Variants in ZFPM2 observed in about 807,000 individuals in gnomAD.
ZFPM2 encodes zinc finger protein, FOG family member 2.
In ZFPM2, 20 loss-of-function variants were observed where a neutral mutation model predicts 98.6. The ratio of observed to expected loss-of-function variants is 0.20; its 90% CI spans 0.14 to 0.29. The LOEUF is 0.29. Ranked by LOEUF, ZFPM2 falls within the 10% of genes least tolerant of loss-of-function variation. ZFPM2 has a pLI of 1.00. For synonymous variants in ZFPM2, 518 were observed against 502.7 expected, an observed-to-expected ratio of 1.03 and a Z score of -0.41; for missense variants, 1,310 against 1,388.6, an observed-to-expected ratio of 0.94 and a Z score of 0.90.
intron 1 of ZFPM2, among the ~76,000 whole-genome samples, chr8:105,344,091 C>T (rs534726663): frequency 1.4e-4 from 21 of 152,190 alleles, no homozygotes; most frequent in South Asian, 8.3e-4. Context: ...TCTCATGAGA[C>T]GTATTCACTA....
chr8:105,752,832 G>A (rs1436664589), intron 5 of ZFPM2, among the ~76,000 whole-genome samples: 2 of 151,952 alleles, frequency 1.3e-5, no homozygotes, highest in African/African-American at 2.4e-5. Flanking sequence ...AGTACATAGG[G>A]AAATCTAAAG....
intron 3 of ZFPM2, among the ~76,000 whole-genome samples, chr8:105,501,184 C>CTTT (rs147662695): frequency 2.4e-5 from 3 of 127,398 alleles, no homozygotes; most frequent in African/African-American, 5.7e-5. Context: ...TTACTTTTCT[C>CTTT]TTTTTTTTTT....
At chr8:105,416,456 A>ATATG (rs1811681210) in intron 1 of ZFPM2, among the ~76,000 whole-genome samples, 1 of 151,700 alleles carries the variant, frequency 6.6e-6, no homozygotes, top group South Asian at 2.1e-4. Context: ...ACATTGTATA[A>ATATG]TATGTATACA....
At chr8:105,353,806 T>G (rs1227291343) in intron 1 of ZFPM2, among the ~76,000 whole-genome samples, 4 of 152,210 alleles carry the variant, frequency 2.6e-5, no homozygotes, top group Non-Finnish European at 1.5e-5. Context: ...TTGCTTAAAA[T>G]TTTTTAAAAG....
At chr8:105,322,985 A>G (rs950781374) in intron 1 of ZFPM2, among the ~76,000 whole-genome samples, 9 of 151,844 alleles carry the variant, frequency 5.9e-5, no homozygotes, top group Non-Finnish European at 1.2e-4. Context: ...GCATAAAACA[A>G]TTATTGTTTT....
At chr8:105,750,887 G>A (rs9987370) in intron 5 of ZFPM2, among the ~76,000 whole-genome samples, 23,920 of 151,940 alleles carry the variant, frequency 0.16, 3,116 homozygotes, top group African/African-American at 0.35. Context: ...TTACCCTGGA[G>A]CAAAGCTAAA....
chr8:105,414,463 A>G (rs1204547420), intron 1 of ZFPM2, among the ~76,000 whole-genome samples: 1 of 152,038 alleles, frequency 6.6e-6, no homozygotes, highest in Non-Finnish European at 1.5e-5. Flanking sequence ...TATTGAGACA[A>G]TGTCTGTCGA....
At chr8:105,660,725 A>AT (rs1352785784) in intron 5 of ZFPM2, among the ~76,000 whole-genome samples, 1 of 152,196 alleles carries the variant, frequency 6.6e-6, no homozygotes, top group African/African-American at 2.4e-5. Flanking sequence ...CTAGCTCCAC[A>AT]TTAAAGTATT....
rs187986136 is a variant in ZFPM2 at position 105,651,322 on chromosome 8, G to A, written c.532+16965G>A. ...GTTTAAAGTTTCTCCACAAAAATTA[G>A]CCGGGTGTGGTGGCGGGCACCTGTA... On this transcript the variant is annotated intron_variant, in intron 5 of 7. Transcript: ENST00000407775. Among the ~76,000 whole-genome samples, 136 of 152,026 alleles carry A rather than the reference G, an allele frequency of 8.9e-4. 1 individual carries two copies. Among genetic ancestry groups the A allele is most frequent in the Admixed American group, 6.4e-3 (97 of 15,270 alleles).
At chr8:105,529,920 G>T (rs1199092072) in intron 3 of ZFPM2, among the ~76,000 whole-genome samples, 1 of 151,920 alleles carries the variant, frequency 6.6e-6, no homozygotes, top group African/African-American at 2.4e-5. Context: ...TAGTAGAGAC[G>T]GGGTTTCACC....
chr8:105,402,185 T>C (rs1448775144), intron 1 of ZFPM2, among the ~76,000 whole-genome samples: 1 of 152,094 alleles, frequency 6.6e-6, no homozygotes, highest in Non-Finnish European at 1.5e-5. Context: ...TGTTGACTTG[T>C]AAAATCTTGC....
chr8:105,378,661 A>G (rs995536556), intron 1 of ZFPM2, among the ~76,000 whole-genome samples: 1 of 152,206 alleles, frequency 6.6e-6, no homozygotes, highest in African/African-American at 2.4e-5. Flanking sequence ...TAATGAAACT[A>G]CAAGAGCATC....
At chr8:105,654,232 A>G (rs1437557899) in intron 5 of ZFPM2, among the ~76,000 whole-genome samples, 1 of 152,054 alleles carries the variant, frequency 6.6e-6, no homozygotes, top group Non-Finnish European at 1.5e-5. Context: ...AAAAAAACAA[A>G]TTTGCTGAGC....
chr8:105,457,786 A>C (rs780078283), intron 3 of ZFPM2, among the ~76,000 whole-genome samples: 20 of 152,166 alleles, frequency 1.3e-4, no homozygotes, highest in Non-Finnish European at 2.1e-4. Context: ...CTTCCCAGCT[A>C]TACCTGCTAC....
intron 5 of ZFPM2, chr8:105,662,854 G>A (rs1418465474): frequency 2.0e-5 from 3 of 152,018 alleles, no homozygotes; most frequent in Middle Eastern, 3.2e-3. Context: ...CCCTAACGGC[G>A]ATGGCTAGTT....
intron 2 of ZFPM2, among the ~76,000 whole-genome samples, chr8:105,433,786 CAAAAAG>C (rs1479621984): frequency 6.6e-5 from 10 of 151,980 alleles, no homozygotes; most frequent in Non-Finnish European, 1.2e-4. Context: ...GACTCCATCT[CAAAAAG>C]AAAAAAGAAA....
In ZFPM2 at chr8:105,802,972, C is replaced by T; in HGVS notation, c.2890C>T (p.Pro964Ser). 1 of 1,612,704 alleles carries T rather than the reference C, an allele frequency of 6.2e-7. No individual in the cohort carries two copies. Residue 964 changes from proline to serine, a missense_variant, in exon 8 of 8, where the codon CCA becomes TCA. Physicochemically the swap from Pro to Ser is moderately conservative, Grantham distance 74 (BLOSUM62 -1). Transcript: ENST00000407775. The part of the protein sequence containing the change: ...TKEENRHLFL[P>S]QCLYPGAIKK... ...AGAAGAAAACAGACATTTGTTTCTT[C>T]CACAATGCCTTTACCCTGGAGCAAT...
chr8:105,323,459 G>A (rs1370008124), intron 1 of ZFPM2, among the ~76,000 whole-genome samples: 2 of 151,614 alleles, frequency 1.3e-5, no homozygotes, highest in South Asian at 2.1e-4. Flanking sequence ...GCAACATTTC[G>A]GAAAACCTAT....
At chr8:105,622,113 A>C (rs909458870) in intron 4 of ZFPM2, among the ~76,000 whole-genome samples, 25 of 152,030 alleles carry the variant, frequency 1.6e-4, no homozygotes, top group Admixed American at 3.3e-4. Context: ...TAGAAAAAAA[A>C]CAAAAAGAAT....
Sources: gnomAD v4.1 joint callset for allele counts (sites outside exome capture counted in the v4.1 genomes callset) on GRCh38, gnomAD v4.1.1 for gene constraint, MANE v1.5 for transcripts, NCBI Gene and HGNC (gene_info 2026-07-23, HGNC 2026-07-21) for gene names.